The following NKAIN2 variants were observed in gnomAD, a reference collection of about 807,000 sequenced individuals.
The protein encoded by NKAIN2 is sodium/potassium-transporting ATPase subunit beta-1-interacting protein 2.
In NKAIN2, 14 loss-of-function variants were observed where a neutral mutation model predicts 32.6. That is an observed-to-expected ratio of 0.43 (90% confidence interval 0.28 to 0.67). NKAIN2 has a LOEUF of 0.67. Ranked by LOEUF, NKAIN2 falls within the 30% of genes least tolerant of loss-of-function variation. The probability of loss-of-function intolerance (pLI) is 0.17; values close to 1 mark genes in which losing one functional copy is unlikely to be tolerated. For missense variants in NKAIN2, 198 were observed against 258.3 expected (o/e 0.77, Z 1.60); for synonymous variants, 80 against 87.2 (o/e 0.92, Z 0.46).
chr6:123,804,324 G>C (rs1773124250), intron 1 of NKAIN2, 70 bp downstream of exon 1: 2 of 1,300,640 alleles, frequency 1.5e-6, no homozygotes, highest in East Asian at 4.6e-5. Context: ...GTGCAGCAAA[G>C]GGTCTGCCAT....
At chr6:124,130,967 G>A (rs1017842463) in intron 1 of NKAIN2, among the ~76,000 whole-genome samples, 2 of 152,156 alleles carry the variant, frequency 1.3e-5, no homozygotes, top group African/African-American at 4.8e-5. Context: ...GCGCAGTCCT[G>A]TCTTGGCCTG....
At chr6:124,073,593 A>G (rs916025582) in intron 1 of NKAIN2, among the ~76,000 whole-genome samples, 3 of 152,086 alleles carry the variant, frequency 2.0e-5, no homozygotes, top group African/African-American at 4.8e-5. Flanking sequence ...ACCTTTCCAC[A>G]ATAGGTATTT....
At chr6:123,955,447 G>T (rs1192944002) in intron 1 of NKAIN2, among the ~76,000 whole-genome samples, 1 of 151,698 alleles carries the variant, frequency 6.6e-6, no homozygotes, top group East Asian at 1.9e-4. Context: ...AAATATTTAG[G>T]TAACTTTGCA....
At chr6:124,180,009 C>T (rs543919738) in intron 1 of NKAIN2, among the ~76,000 whole-genome samples, 1 of 152,228 alleles carries the variant, frequency 6.6e-6, no homozygotes, top group Admixed American at 6.5e-5. Flanking sequence ...ATAAATTTCC[C>T]ACTCTCTGTA....
intron 3 of NKAIN2, among the ~76,000 whole-genome samples, chr6:124,521,333 G>A (rs1342127299): frequency 2.6e-5 from 4 of 152,022 alleles, no homozygotes; most frequent in Non-Finnish European, 5.9e-5. Flanking sequence ...CTAGTTTATG[G>A]CAAATTGCTT....
intron 1 of NKAIN2, among the ~76,000 whole-genome samples, chr6:124,183,175 T>G (rs1789535405): frequency 6.6e-6 from 1 of 152,026 alleles, no homozygotes; most frequent in Non-Finnish European, 1.5e-5. Flanking sequence ...TTTTTGCAGG[T>G]CTCAACATAA....
At chr6:124,411,300 GT>G in intron 3 of NKAIN2, among the ~76,000 whole-genome samples, 1 of 115,578 alleles carries the variant, frequency 8.7e-6, no homozygotes, top group South Asian at 2.8e-4. Flanking sequence ...AATTTGGCAT[GT>G]TTTTGCAGTG....
chr6:124,205,839 C>A (rs1790850053), intron 1 of NKAIN2, among the ~76,000 whole-genome samples: 1 of 151,930 alleles, frequency 6.6e-6, no homozygotes, highest in South Asian at 2.1e-4. Flanking sequence ...ATTATAAATA[C>A]CTGCTCTGAA....
At chr6:123,835,059 G>A (rs892580051) in intron 1 of NKAIN2, among the ~76,000 whole-genome samples, 1 of 152,100 alleles carries the variant, frequency 6.6e-6, no homozygotes, top group African/African-American at 2.4e-5. Flanking sequence ...TTGGGTATTA[G>A]CACAGTTCTA....
At chr6:124,364,955 T>C (rs1408467640) in intron 3 of NKAIN2, among the ~76,000 whole-genome samples, 1 of 151,948 alleles carries the variant, frequency 6.6e-6, no homozygotes, top group Non-Finnish European at 1.5e-5. Context: ...TGTAGCATTA[T>C]TATGGAAATG....
chr6:124,091,194 A>C (rs1784401780), intron 1 of NKAIN2, among the ~76,000 whole-genome samples: 1 of 152,014 alleles, frequency 6.6e-6, no homozygotes, highest in African/African-American at 2.4e-5. Flanking sequence ...GATCTAAGGA[A>C]GCTTTATGTC....
chr6:124,328,633 T>C (rs1488149653), intron 2 of NKAIN2, among the ~76,000 whole-genome samples: 2 of 152,150 alleles, frequency 1.3e-5, no homozygotes, highest in African/African-American at 2.4e-5. Context: ...ACACAAGCAC[T>C]ATTTGGTGTT....
At chr6:124,630,162 G>T (rs1486966087) in intron 3 of NKAIN2, among the ~76,000 whole-genome samples, 1 of 152,146 alleles carries the variant, frequency 6.6e-6, no homozygotes, top group East Asian at 1.9e-4. Flanking sequence ...GTATATACGG[G>T]CAAATAAATC....
chr6:124,317,028 G>A (rs961633011), intron 2 of NKAIN2, among the ~76,000 whole-genome samples: 4 of 152,026 alleles, frequency 2.6e-5, no homozygotes, highest in Admixed American at 6.6e-5. Flanking sequence ...AGCCAGGCAC[G>A]GTTGCATGTG....
intron 1 of NKAIN2, among the ~76,000 whole-genome samples, chr6:123,897,587 T>G (rs375874072): frequency 6.0e-4 from 91 of 152,270 alleles, no homozygotes; most frequent in Admixed American, 1.0e-3. Flanking sequence ...TGCACTGGGA[T>G]GGACATACTG....
chr6:124,693,755 A>C (rs532996561), intron 4 of NKAIN2, among the ~76,000 whole-genome samples: 181 of 152,298 alleles, frequency 1.2e-3, no homozygotes, highest in African/African-American at 4.3e-3. Flanking sequence ...GTCATACCAG[A>C]GGAAGCCAAA....
At chr6:124,616,924 G>GTTT (rs1782927834) in intron 3 of NKAIN2, among the ~76,000 whole-genome samples, 1 of 152,028 alleles carries the variant, frequency 6.6e-6, no homozygotes, top group African/African-American at 2.4e-5. Flanking sequence ...AATGACTCCA[G>GTTT]TCATGATATG....
At chr6:124,063,622 T>C (rs983493459) in intron 1 of NKAIN2, among the ~76,000 whole-genome samples, 4 of 152,174 alleles carry the variant, frequency 2.6e-5, no homozygotes, top group Non-Finnish European at 5.9e-5. Flanking sequence ...TGATAGCTTT[T>C]AATACTCTTA....
At chr6:124,628,018 CAT>C (rs1783423242) in intron 3 of NKAIN2, among the ~76,000 whole-genome samples, 2 of 152,304 alleles carry the variant, frequency 1.3e-5, no homozygotes, top group Admixed American at 6.5e-5. Flanking sequence ...TTCACACACA[CAT>C]TCGCATATTC....
Sources: gnomAD v4.1 joint callset for allele counts (sites outside exome capture counted in the v4.1 genomes callset) on GRCh38, gnomAD v4.1.1 for gene constraint, MANE v1.5 for transcripts, NCBI Gene and HGNC (gene_info 2026-07-23, HGNC 2026-07-21) for gene names.